RUFY2: variants seen among roughly 807,000 people sequenced by gnomAD.
RUFY2 encodes RUN and FYVE domain containing 2.
In RUFY2, 49 loss-of-function variants were observed where a neutral mutation model predicts 94.4. The observed-to-expected ratio is 0.52, with a 90% CI of 0.41 to 0.66. RUFY2 has a LOEUF of 0.66. Ranked by LOEUF, RUFY2 falls within the 30% of genes least tolerant of loss-of-function variation. The pLI, the probability that RUFY2 is intolerant of heterozygous loss-of-function variation, is 0.00. For synonymous variants in RUFY2, 255 were observed against 235.7 expected (o/e 1.08, Z -0.75); for missense variants, 541 against 692.8 (o/e 0.78, Z 2.46).
downstream of RUFY2, chr10:68,341,739 TTTC>T (rs2045965186): frequency 6.3e-7 from 1 of 1,587,828 alleles, no homozygotes; most frequent in African/African-American, 1.4e-5. Context: ...CTCAATTTTT[TTTC>T]TTTTTTCTTT....
chr10:68,374,488 G>A (rs1020597093), intron 13 of RUFY2, among the ~76,000 whole-genome samples: 3 of 152,120 alleles, frequency 2.0e-5, no homozygotes, highest in African/African-American at 4.8e-5. Flanking sequence ...TCCTGAATAT[G>A]TAGGCACCAA....
chr10:68,402,353 A>G (rs2133230258), intron 2 of RUFY2, among the ~76,000 whole-genome samples: 1 of 152,192 alleles, frequency 6.6e-6, no homozygotes, highest in African/African-American at 2.4e-5. Flanking sequence ...AAAACCATGA[A>G]ATTGCCATAC....
At chr10:68,392,306 AG>A (rs1333470463) in intron 7 of RUFY2, among the ~76,000 whole-genome samples, 5 of 152,098 alleles carry the variant, frequency 3.3e-5, no homozygotes, top group African/African-American at 1.2e-4. Context: ...GTGGAATTAC[AG>A]GCATGAGCCA....
Position 68,386,046 on chromosome 10 carries a change from C to G in RUFY2, c.720+13G>C. ...ACTAGGTCCATGAAATACATTTATC[C>G]ATTAGACAATACCTCTTCAATCAGC... On this transcript the variant is annotated intron_variant, in intron 8 of 17. Transcript: ENST00000602465. The G allele has an allele frequency of 6.4e-7, 1 of 1,554,198 alleles. No individual in the cohort carries two copies. Among genetic ancestry groups the G allele is most frequent in the Non-Finnish European group, 8.8e-7 (1 of 1,134,366 alleles).
chr10:68,399,785 C>T (rs2050674103), intron 3 of RUFY2, among the ~76,000 whole-genome samples: 1 of 151,826 alleles, frequency 6.6e-6, no homozygotes, highest in African/African-American at 2.4e-5. Flanking sequence ...GCCTGTAATA[C>T]CAGCACTTTT....
chr10:68,394,723 G>A (rs1398308012), intron 4 of RUFY2, among the ~76,000 whole-genome samples: 6 of 151,418 alleles, frequency 4.0e-5, no homozygotes, highest in East Asian at 2.0e-4. Context: ...TCTGCCTCCC[G>A]GGTTCACACC....
intron 13 of RUFY2, among the ~76,000 whole-genome samples, chr10:68,368,919 A>G (rs1416046868): frequency 1.3e-5 from 2 of 152,174 alleles, no homozygotes; most frequent in Non-Finnish European, 2.9e-5. Context: ...TCTGGACAAT[A>G]AATGCCCTAT....
At chr10:68,367,997 G>T (rs1404915104) in intron 13 of RUFY2, among the ~76,000 whole-genome samples, 2 of 144,710 alleles carry the variant, frequency 1.4e-5, no homozygotes. Context: ...ACGGAGTCTC[G>T]CTCTGTCGCC....
intron 15 of RUFY2, among the ~76,000 whole-genome samples, chr10:68,359,013 C>G (rs1214420573): frequency 1.3e-5 from 2 of 152,148 alleles, no homozygotes; most frequent in East Asian, 1.9e-4. Flanking sequence ...GACGGCCTCT[C>G]TATGATACAT....
intron 10 of RUFY2, 39 bp downstream of exon 10, chr10:68,383,759 C>T (rs2049272502): frequency 1.5e-6 from 2 of 1,368,066 alleles, no homozygotes; most frequent in Non-Finnish European, 2.1e-6. Flanking sequence ...AAATTACTCC[C>T]AGGATGATCT....
intron 15 of RUFY2, among the ~76,000 whole-genome samples, chr10:68,357,880 G>A (rs541684706): frequency 2.0e-5 from 3 of 152,214 alleles, no homozygotes; most frequent in Non-Finnish European, 4.4e-5. Flanking sequence ...CGCCACAAAA[G>A]TTGTTTATTA....
intron 7 of RUFY2, among the ~76,000 whole-genome samples, chr10:68,391,624 A>T (rs540608761): frequency 2.8e-5 from 4 of 142,798 alleles, no homozygotes; most frequent in African/African-American, 1.1e-4. Context: ...TCTACCCTCC[A>T]GCCTGGGCAA....
intron 15 of RUFY2, among the ~76,000 whole-genome samples, chr10:68,356,812 G>A (rs2047083491): frequency 1.3e-5 from 2 of 151,034 alleles, no homozygotes; most frequent in South Asian, 4.3e-4. Flanking sequence ...GCCTCCCAAA[G>A]TGCTGGGACT....
chr10:68,406,827 G>T (rs1472594306), intron 1 of RUFY2: 1 of 1,612,488 alleles, frequency 6.2e-7, no homozygotes, highest in Admixed American at 1.7e-5. Flanking sequence ...CCTGAGATGC[G>T]TCTTCCCTCC....
rs527540372 is a variant in RUFY2 at position 68,386,076 on chromosome 10, T to C, written c.703A>G (p.Thr235Ala). 1.6e-5 allele frequency: 26 copies of C among 1,610,448 alleles called. No individual in the cohort carries two copies. The East Asian group carries it at 5.6e-4, about 35-fold the overall frequency. ...SRVDSLEKSN[T>A]KLIEELAIAK... ...GACAATACCTCTTCAATCAGCTTAG[T>C]ATTTGACTTTTCTAATGAATCAACT... The change falls in exon 8 of 18, where the codon ACT becomes GCT. Residue 235 changes from threonine to alanine, a missense_variant. By Grantham distance (58) the Thr-to-Ala change is moderately conservative. Transcript: ENST00000602465.
At position 68,380,507 on chromosome 10, in the gene RUFY2, TAATTA is replaced by T. The variant is rs370861513; in HGVS notation, c.1107+720_1107+724del. On this transcript the variant is annotated intron_variant, in intron 11 of 17. Transcript: ENST00000602465. ...TTGTAAAATATGACATTTTTCAAAT[TAATTA>T]AATTGTAAAGGGTTTTGGCAACATA... Among the ~76,000 whole-genome samples the T allele has an allele frequency of 4.3e-4, 65 of 152,270 alleles. 3 individuals carry two copies. The East Asian group carries it at 9.8e-3, about 23-fold the overall frequency.
intron 15 of RUFY2, among the ~76,000 whole-genome samples, chr10:68,357,828 A>G (rs2047166578): frequency 6.6e-6 from 1 of 152,196 alleles, no homozygotes; most frequent in African/African-American, 2.4e-5. Flanking sequence ...AATAGTATAT[A>G]TAATTATCTA....
chr10:68,385,965 CGT>C (rs145133028), intron 8 of RUFY2, 92 bp downstream of exon 8: 287 of 686,188 alleles, frequency 4.2e-4, no homozygotes, highest in Admixed American at 6.1e-4. Context: ...AGTGTGTGTT[CGT>C]GTGTGTGTGT....
Position 68,400,179 on chromosome 10 carries a change from G to A in RUFY2, c.296+1441C>T, listed in dbSNP as rs185076433. 7.0e-4 allele frequency among the ~76,000 whole-genome samples: 107 copies of A among 152,144 alleles called. 1 individual carries two copies. Among genetic ancestry groups the A allele is most frequent in the African/African-American group, 2.5e-3 (103 of 41,554 alleles). On this transcript the variant is annotated intron_variant, in intron 3 of 17. Coordinates refer to ENST00000602465, the MANE Select transcript of RUFY2 (RefSeq NM_001330103.2). ...ATACGAAAATTAGCCAGGTATGGAT[G>A]GTGGCACATGCCTGTAATCCCAGCT...
Sources: allele counts gnomAD v4.1 joint callset (sites outside exome capture counted in the v4.1 genomes callset), GRCh38; gene constraint gnomAD v4.1.1; transcripts MANE v1.5; gene names NCBI Gene and HGNC (gene_info 2026-07-23, HGNC 2026-07-21).